Variants in THADA observed in about 807,000 individuals in gnomAD.
THADA encodes THADA armadillo repeat containing, also known as tRNA (32-2'-O)-methyltransferase regulator THADA.
A neutral mutation model predicts 219.8 loss-of-function variants in THADA; 213 were observed. The observed-to-expected ratio is 0.97, with a 90% CI of 0.87 to 1.09. The LOEUF is 1.09. Among genes scored for constraint, THADA ranks in the 50% least tolerant of loss-of-function variants. The pLI is 0.00. For missense variants in THADA, 2,956 were observed against 2,311.3 expected (o/e 1.28, Z -5.72); for synonymous variants, 1,018 against 828.9 (o/e 1.23, Z -3.92).
chr2:43,274,272 G>A (rs902123857), intron 36 of THADA, among the ~76,000 whole-genome samples: 3 of 152,208 alleles, frequency 2.0e-5, no homozygotes, highest in Non-Finnish European at 2.9e-5. Context: ...GACAGTGTGC[G>A]AGTCAGCAAG....
chr2:43,554,670 G>A (rs1697139881), intron 17 of THADA, among the ~76,000 whole-genome samples: 1 of 152,146 alleles, frequency 6.6e-6, no homozygotes, highest in South Asian at 2.1e-4. Context: ...GTGATGATGT[G>A]ATGCAATACA....
At chr2:43,303,000 T>C (rs6722143) in intron 31 of THADA, among the ~76,000 whole-genome samples, 10,304 of 152,236 alleles carry the variant, frequency 0.068, 568 homozygotes, top group South Asian at 0.18. Flanking sequence ...CATTTTGCTA[T>C]AGCTTCCTTG....
At chr2:43,545,608 G>GT (rs1279734607) in intron 20 of THADA, among the ~76,000 whole-genome samples, 2 of 152,186 alleles carry the variant, frequency 1.3e-5, no homozygotes, top group Non-Finnish European at 2.9e-5. Context: ...GTGGGAGGGT[G>GT]TATGTGTCGA....
At position 43,572,714 on chromosome 2, in the gene THADA, C is replaced by T. The variant is rs111980328; in HGVS notation, c.1908+100G>A. 7.6e-3 allele frequency: 8,393 copies of T among 1,098,668 alleles called. 57 individuals are homozygous for T. Among genetic ancestry groups the T allele is most frequent in the Middle Eastern group, 0.023 (100 of 4,330 alleles). The allele number at this position is 1,098,668 out of a possible 1,614,324, so 68.1% of individuals were successfully genotyped here. Reference sequence around the variant, plus strand: ...TTCTACTCATTCTCTTTATGAACTCCCTAAAACAGTTCAGGATACAATGTA... The same window carrying T: ...TTCTACTCATTCTCTTTATGAACTCTCTAAAACAGTTCAGGATACAATGTA... On this transcript the variant is annotated intron_variant, in intron 12 of 37. Transcript: ENST00000405975.
intron 26 of THADA, among the ~76,000 whole-genome samples, chr2:43,473,795 G>A (rs1037970053): frequency 2.9e-4 from 44 of 152,224 alleles, no homozygotes; most frequent in African/African-American, 1.0e-3. Context: ...TTTTAGTAGA[G>A]ACGAGGTTTC....
At chr2:43,236,002 G>C (rs950505607) in intron 36 of THADA, among the ~76,000 whole-genome samples, 1 of 152,058 alleles carries the variant, frequency 6.6e-6, no homozygotes, top group Non-Finnish European at 1.5e-5. Context: ...ATAGAGACGG[G>C]GTTTCACCGT....
intron 36 of THADA, among the ~76,000 whole-genome samples, chr2:43,253,178 G>A (rs7595299): frequency 0.15 from 22,731 of 152,120 alleles, 1,778 homozygotes; most frequent in South Asian, 0.26. Flanking sequence ...GTAAATATTT[G>A]TATGAGAAGG....
chr2:43,536,066 T>C (rs1395684685), intron 21 of THADA, among the ~76,000 whole-genome samples: 1 of 152,152 alleles, frequency 6.6e-6, no homozygotes, highest in Non-Finnish European at 1.5e-5. Flanking sequence ...CCTCCCAAAG[T>C]GCTGGGATTA....
chr2:43,381,916 A>G (rs528039015), intron 29 of THADA, among the ~76,000 whole-genome samples: 16 of 152,298 alleles, frequency 1.1e-4, no homozygotes, highest in African/African-American at 3.8e-4. Context: ...ATGTGATAGC[A>G]TGTACCCTGG....
chr2:43,386,041 A>T (rs1480331320), intron 29 of THADA, among the ~76,000 whole-genome samples: 1 of 152,158 alleles, frequency 6.6e-6, no homozygotes, highest in Admixed American at 6.5e-5. Context: ...CCATATGAAC[A>T]TGGGCCCATC....
At chr2:43,529,372 T>C (rs1693584134) in intron 21 of THADA, among the ~76,000 whole-genome samples, 1 of 152,158 alleles carries the variant, frequency 6.6e-6, no homozygotes, top group South Asian at 2.1e-4. Context: ...TCTTGCTATG[T>C]TGCCTCGGCT....
intron 9 of THADA, among the ~76,000 whole-genome samples, chr2:43,577,477 C>T (rs1233630753): frequency 6.7e-6 from 1 of 149,580 alleles, no homozygotes; most frequent in South Asian, 2.1e-4. Context: ...CACAACACAT[C>T]GCCACCTGCA....
At chr2:43,359,566 G>C (rs1669259567) in intron 29 of THADA, among the ~76,000 whole-genome samples, 1 of 152,204 alleles carries the variant, frequency 6.6e-6, no homozygotes, top group Non-Finnish European at 1.5e-5. Flanking sequence ...TGTAATCCCA[G>C]CTTCTTGAGA....
chr2:43,233,047 TG>T, intron 36 of THADA, 165 bp from the exon 37 acceptor site: 1 of 662,910 alleles, frequency 1.5e-6, no homozygotes, highest in East Asian at 2.7e-5. Flanking sequence ...AATCACCTTC[TG>T]AATCCTGCTA....
In THADA at chr2:43,232,717, T is replaced by C; in HGVS notation, c.5462A>G (p.His1821Arg). The C allele has an allele frequency of 6.2e-7, 1 of 1,613,858 alleles. No homozygotes were observed. Among genetic ancestry groups the C allele is most frequent in the South Asian group, 1.1e-5 (1 of 91,050 alleles). ...DDLVACVESM[H>R]QVEEDYLFEK... Reference sequence around the variant, plus strand: ...CCCCTGACACCCCGGGATCACCTGATGCATGCTCTCCACACAGGCCACGAG... The same window carrying C: ...CCCCTGACACCCCGGGATCACCTGACGCATGCTCTCCACACAGGCCACGAG... Residue 1821 changes from histidine (H) to arginine (R), a missense_variant, in exon 37 of 38, where the codon CAT becomes CGT. Physicochemically the swap from His to Arg is conservative, Grantham distance 29. Coordinates refer to ENST00000405975, the MANE Select transcript of THADA (RefSeq NM_022065.5).
At chr2:43,546,198 C>G (rs1018394260) in intron 20 of THADA, among the ~76,000 whole-genome samples, 97 of 151,824 alleles carry the variant, frequency 6.4e-4, no homozygotes, top group African/African-American at 2.3e-3. Flanking sequence ...GTTTCTTAAT[C>G]CTGAGTTCTA....
chr2:43,269,897 G>C lies in THADA; in HGVS notation c.5296+9868C>G, dbSNP rs1572852901. On this transcript the variant is annotated intron_variant, in intron 36 of 37. Coordinates refer to ENST00000405975, the MANE Select transcript of THADA (RefSeq NM_022065.5). Reference sequence around the variant, plus strand: ...GCAGTGGAATCCCGGGCTGACTCAGGGTGTGGTTTGATTGCTGACTGCTGA... The same window carrying C: ...GCAGTGGAATCCCGGGCTGACTCAGCGTGTGGTTTGATTGCTGACTGCTGA... Among the ~76,000 whole-genome samples the C allele has an allele frequency of 4.6e-5, 7 of 152,260 alleles. No individual in the cohort carries two copies. The South Asian group carries it at 1.5e-3, about 32-fold the overall frequency.
intron 26 of THADA, among the ~76,000 whole-genome samples, chr2:43,478,538 A>G (rs949328873): frequency 1.3e-5 from 2 of 152,206 alleles, no homozygotes; most frequent in African/African-American, 4.8e-5. Context: ...TCTGGCCCAT[A>G]TAAAATGTAA....
At chr2:43,342,738 C>T (rs1170200880) in intron 30 of THADA, among the ~76,000 whole-genome samples, 4 of 152,208 alleles carry the variant, frequency 2.6e-5, no homozygotes, top group African/African-American at 7.2e-5. Context: ...GTCTTTCTCA[C>T]TTCCTGGAAG....
Sources: gnomAD v4.1 joint callset for allele counts (sites outside exome capture counted in the v4.1 genomes callset) on GRCh38, gnomAD v4.1.1 for gene constraint, MANE v1.5 for transcripts, NCBI Gene and HGNC (gene_info 2026-07-23, HGNC 2026-07-21) for gene names.